The following VWC2L variants were observed in gnomAD, a reference collection of about 807,000 sequenced individuals.
The protein encoded by VWC2L is von Willebrand factor C domain-containing protein 2-like.
A neutral mutation model predicts 21.6 loss-of-function variants in VWC2L; 10 were observed. That is an observed-to-expected ratio of 0.46 (90% CI 0.29 to 0.78). VWC2L has a LOEUF of 0.78. VWC2L is among the 30% of genes least tolerant of loss of function. VWC2L has a pLI of 0.10. For synonymous variants in VWC2L, 96 were observed against 94.3 expected, an observed-to-expected ratio of 1.02 and a Z score of -0.10; for missense variants, 209 against 277.1, an observed-to-expected ratio of 0.75 and a Z score of 1.74.
At chr2:214,488,749 C>G (rs559909930) in intron 3 of VWC2L, among the ~76,000 whole-genome samples, 33 of 152,284 alleles carry the variant, frequency 2.2e-4, no homozygotes, top group African/African-American at 7.7e-4. Context: ...CATCTGGTGA[C>G]AGACTCAGGC....
intron 3 of VWC2L, among the ~76,000 whole-genome samples, chr2:214,546,822 TAAAGTG>T (rs1366921501): frequency 2.6e-5 from 4 of 152,156 alleles, no homozygotes; most frequent in African/African-American, 9.7e-5. Flanking sequence ...GCTGGCATGT[TAAAGTG>T]ATTCTATGCC....
At chr2:214,511,529 G>C (rs142245857) in intron 3 of VWC2L, among the ~76,000 whole-genome samples, 2 of 152,118 alleles carry the variant, frequency 1.3e-5, no homozygotes, top group African/African-American at 2.4e-5. Context: ...ACTCTCTGCC[G>C]TGTGAATACT....
intron 3 of VWC2L, among the ~76,000 whole-genome samples, chr2:214,483,823 T>C (rs1391122095): frequency 1.3e-5 from 2 of 152,132 alleles, no homozygotes; most frequent in African/African-American, 4.8e-5. Context: ...CAAGCCATGG[T>C]GAAGCAGAAG....
chr2:214,459,849 A>G (rs960737223), intron 3 of VWC2L, among the ~76,000 whole-genome samples: 1 of 145,220 alleles, frequency 6.9e-6, no homozygotes, highest in Non-Finnish European at 1.5e-5. Flanking sequence ...ACATTTCCCT[A>G]TATGTAAATA....
In VWC2L at chr2:214,514,481, G is replaced by C. The variant is rs116216572; in HGVS notation, c.521-61191G>C. Among the ~76,000 whole-genome samples, 1,375 of 152,240 alleles carry C rather than the reference G, an allele frequency of 9.0e-3. 20 individuals carry two copies. The highest frequency in any genetic ancestry group is 0.031 in the African/African-American group (1,273 of 41,534). On this transcript the variant is annotated intron_variant, in intron 3 of 3. Transcript: ENST00000312504. ...TGGATATAGTGCAGTTACAGATACAGAGAAATAATGGAATAGTAGTAAACT... is the reference window on the plus strand; with the variant it reads ...TGGATATAGTGCAGTTACAGATACACAGAAATAATGGAATAGTAGTAAACT...
chr2:214,414,248 G>A lies in VWC2L; in HGVS notation c.55G>A (p.Val19Ile), dbSNP rs749398407. 42 of 1,613,548 alleles carry A rather than the reference G, an allele frequency of 2.6e-5. No individual in the cohort carries two copies. Among genetic ancestry groups the A allele is most frequent in the Non-Finnish European group, 3.3e-5 (39 of 1,179,774 alleles). Reference protein sequence around the residue: ...CILLLVIPGLVTSAAISHEDY... With the variant: ...CILLLVIPGLITSAAISHEDY... ...ACTTCTGTTGGTCATCCCTGGATTG[G>A]TCACCTCTGCTGCTATCAGTCATGA... The change falls in exon 2 of 4, where the codon GTC (valine) becomes ATC (isoleucine). Residue 19 changes from valine (V) to isoleucine (I), a missense_variant. Transcript: ENST00000312504.
rs141974129 is a variant in VWC2L at position 214,424,450 on chromosome 2, C to T, written c.390+9867C>T. On this transcript the variant is annotated intron_variant, in intron 2 of 3. Coordinates refer to ENST00000312504, the MANE Select transcript of VWC2L (RefSeq NM_001080500.4). ...TGTGGTGAAAATTGGATTTTAAAGC[C>T]GGCCCTACCACTTACCAGCCAACTG... Among the ~76,000 whole-genome samples the T allele has an allele frequency of 2.6e-4, 40 of 152,202 alleles. No individual in the cohort carries two copies. The East Asian group carries it at 3.3e-3, about 12-fold the overall frequency.
intron 3 of VWC2L, among the ~76,000 whole-genome samples, chr2:214,446,629 G>A (rs1702841690): frequency 1.3e-5 from 2 of 152,110 alleles, no homozygotes; most frequent in Non-Finnish European, 1.5e-5. Context: ...AATTTTGAAT[G>A]TTTTCTGTGT....
intron 3 of VWC2L, among the ~76,000 whole-genome samples, chr2:214,493,758 G>C (rs1688775410): frequency 6.6e-6 from 1 of 152,184 alleles, no homozygotes; most frequent in South Asian, 2.1e-4. Context: ...TGGGGAGGCA[G>C]AGTGTGTGGA....
chr2:214,527,842 G>A (rs954867785), intron 3 of VWC2L, among the ~76,000 whole-genome samples: 3 of 152,028 alleles, frequency 2.0e-5, no homozygotes, highest in African/African-American at 7.2e-5. Context: ...TGTATCCATG[G>A]CATAAATGAA....
chr2:214,421,105 T>C (rs978420527), intron 2 of VWC2L, among the ~76,000 whole-genome samples: 1 of 152,208 alleles, frequency 6.6e-6, no homozygotes, highest in African/African-American at 2.4e-5. Flanking sequence ...GAAGTCAATT[T>C]TATTAAAAAA....
intron 3 of VWC2L, among the ~76,000 whole-genome samples, chr2:214,461,025 C>T (rs900191351): frequency 1.3e-5 from 2 of 152,188 alleles, no homozygotes; most frequent in African/African-American, 4.8e-5. Context: ...TAGCTATAAA[C>T]AGCTTAAGTG....
chr2:214,506,803 T>C (rs989582638), intron 3 of VWC2L, among the ~76,000 whole-genome samples: 1 of 152,114 alleles, frequency 6.6e-6, no homozygotes, highest in East Asian at 1.9e-4. Flanking sequence ...TCTAAAGATA[T>C]GCTGATGAAA....
chr2:214,444,576 G>C (rs981771978), intron 3 of VWC2L, among the ~76,000 whole-genome samples: 1 of 151,956 alleles, frequency 6.6e-6, no homozygotes, highest in Admixed American at 6.6e-5. Context: ...AACATTTCTT[G>C]TGAAAATGTT....
At chr2:214,538,599 G>GTATAA (rs55894083) in intron 3 of VWC2L, among the ~76,000 whole-genome samples, 80,181 of 149,704 alleles carry the variant, frequency 0.54, 21,780 homozygotes, top group East Asian at 0.73. Context: ...TATAATTTTT[G>GTATAA]TATATTAATT....
intron 3 of VWC2L, among the ~76,000 whole-genome samples, chr2:214,481,130 T>A (rs1688598995): frequency 6.6e-6 from 1 of 152,192 alleles, no homozygotes; most frequent in Non-Finnish European, 1.5e-5. Context: ...CTTCTCTGTC[T>A]ACCTCCCTTT....
At chr2:214,520,058 TACACACACAC>T (rs60850327) in intron 3 of VWC2L, among the ~76,000 whole-genome samples, 2 of 143,250 alleles carry the variant, frequency 1.4e-5, no homozygotes, top group South Asian at 2.3e-4. Context: ...GCTCCTGTTA[TACACACACAC>T]ACACACACAC....
chr2:214,530,265 T>C (rs1426446733), intron 3 of VWC2L, among the ~76,000 whole-genome samples: 1 of 152,158 alleles, frequency 6.6e-6, no homozygotes, highest in African/African-American at 2.4e-5. Flanking sequence ...TACCACAGCA[T>C]TGTGGCATGT....
chr2:214,569,383 A>G (rs557350152), intron 3 of VWC2L, among the ~76,000 whole-genome samples: 35 of 152,192 alleles, frequency 2.3e-4, no homozygotes, highest in African/African-American at 7.7e-4. Context: ...TGACTTCCCA[A>G]TGCTTTATCA....
Sources: gnomAD v4.1 joint callset for allele counts (sites outside exome capture counted in the v4.1 genomes callset) on GRCh38, gnomAD v4.1.1 for gene constraint, MANE v1.5 for transcripts, NCBI Gene and HGNC (gene_info 2026-07-23, HGNC 2026-07-21) for gene names.